The following ENTREP2 variants were observed in gnomAD, a reference collection of about 807,000 sequenced individuals.
ENTREP2 encodes the protein endosomal transmembrane epsin interactor 2, also known as protein ENTREP2.
At chr15:29,415,551 T>C in the ENTREP2 span, among the ~76,000 whole-genome samples, 1 of 152,106 alleles carries the variant, frequency 6.6e-6, no homozygotes, top group Admixed American at 6.5e-5. Context: ...TCATACTGAA[T>C]GGGCAAAAAC....
the ENTREP2 span, among the ~76,000 whole-genome samples, chr15:29,496,237 T>G: frequency 6.6e-6 from 1 of 151,986 alleles, no homozygotes; most frequent in Admixed American, 6.5e-5. Context: ...GAAACACAAC[T>G]GCTTTTTATA....
chr15:29,395,074 G>A, the ENTREP2 span, among the ~76,000 whole-genome samples: 94,542 of 143,864 alleles, frequency 0.66, 34,060 homozygotes, highest in Admixed American at 0.76. Flanking sequence ...ATTTTTAGTA[G>A]AGACGGGGTT....
the ENTREP2 span, among the ~76,000 whole-genome samples, chr15:29,616,077 C>G: frequency 6.6e-6 from 1 of 152,216 alleles, no homozygotes; most frequent in Non-Finnish European, 1.5e-5. Flanking sequence ...GAGGATCACA[C>G]ATATGTTGTT....
chr15:29,467,113 C>G, the ENTREP2 span, among the ~76,000 whole-genome samples: 1 of 151,962 alleles, frequency 6.6e-6, no homozygotes, highest in East Asian at 1.9e-4. Flanking sequence ...GCTGCAGCCC[C>G]CAAGTAAAAC....
chr15:29,257,179 T>C, the ENTREP2 span, among the ~76,000 whole-genome samples: 1 of 152,084 alleles, frequency 6.6e-6, no homozygotes, highest in African/African-American at 2.4e-5. Flanking sequence ...GTTCAAGCGA[T>C]TCTCCTGCCT....
chr15:29,371,385 C>CACACACACAT, the ENTREP2 span, among the ~76,000 whole-genome samples: 9 of 150,948 alleles, frequency 6.0e-5, no homozygotes, highest in Non-Finnish European at 1.2e-4. Context: ...CACACACACA[C>CACACACACAT]GAAACCAACT....
the ENTREP2 span, among the ~76,000 whole-genome samples, chr15:29,492,190 C>T: frequency 6.6e-6 from 1 of 152,106 alleles, no homozygotes; most frequent in Admixed American, 6.5e-5. Context: ...ACTTACTTCA[C>T]TTCTCAACCC....
the ENTREP2 span, among the ~76,000 whole-genome samples, chr15:29,407,954 A>G: frequency 1.3e-5 from 2 of 152,156 alleles, no homozygotes; most frequent in African/African-American, 4.8e-5. Flanking sequence ...TGCTGGGATT[A>G]CAGGCCTGAG....
At chr15:29,605,403 T>C in the ENTREP2 span, among the ~76,000 whole-genome samples, 14 of 152,332 alleles carry the variant, frequency 9.2e-5, 1 homozygote, top group South Asian at 1.5e-3. Context: ...ATACCTCCTC[T>C]ATGTGTAAAT....
At chr15:29,424,182 A>G in the ENTREP2 span, among the ~76,000 whole-genome samples, 1 of 152,190 alleles carries the variant, frequency 6.6e-6, no homozygotes, top group Admixed American at 6.5e-5. Context: ...CCAAAGAGTG[A>G]GCAACAGCAA....
At chr15:29,527,654 C>T in the ENTREP2 span, among the ~76,000 whole-genome samples, 1 of 152,134 alleles carries the variant, frequency 6.6e-6, no homozygotes, top group Non-Finnish European at 1.5e-5. Flanking sequence ...GCATCCACTG[C>T]AGACCCTGTA....
chr15:29,128,935 T>G, the ENTREP2 span: 6 of 1,046,646 alleles, frequency 5.7e-6, no homozygotes, highest in Non-Finnish European at 8.4e-6. Flanking sequence ...TCCAGTAGTG[T>G]AGGCGCTTAA....
At chr15:29,582,147 TG>T in the ENTREP2 span, among the ~76,000 whole-genome samples, 2 of 152,278 alleles carry the variant, frequency 1.3e-5, no homozygotes, top group South Asian at 4.1e-4. Context: ...TTCACCATCT[TG>T]GCCAGGCTGG....
the ENTREP2 span, among the ~76,000 whole-genome samples, chr15:29,256,199 G>A: frequency 5.3e-5 from 8 of 152,078 alleles, no homozygotes; most frequent in African/African-American, 1.9e-4. Flanking sequence ...GAGGTTGGGG[G>A]GAAGAGCTGA....
At chr15:29,249,092 T>C in the ENTREP2 span, among the ~76,000 whole-genome samples, 1 of 152,102 alleles carries the variant, frequency 6.6e-6, no homozygotes, top group East Asian at 1.9e-4. Context: ...GCGGATCACC[T>C]GAGGTCAGGA....
chr15:29,224,391 G>A, the ENTREP2 span, among the ~76,000 whole-genome samples: 4 of 152,298 alleles, frequency 2.6e-5, no homozygotes, highest in Admixed American at 1.3e-4. Context: ...GAAGGGAACT[G>A]CGCCGGGTTG....
the ENTREP2 span, among the ~76,000 whole-genome samples, chr15:29,408,140 G>A: frequency 6.6e-6 from 1 of 152,184 alleles, no homozygotes; most frequent in East Asian, 1.9e-4. Context: ...AATATGTGCT[G>A]ATCTCCATGG....
chr15:29,232,409 TA>T, the ENTREP2 span, among the ~76,000 whole-genome samples: 5 of 151,754 alleles, frequency 3.3e-5, no homozygotes, highest in African/African-American at 9.7e-5. Flanking sequence ...AGTGCTAATT[TA>T]AAAAAAAGTT....
chr15:29,245,535 A>G, the ENTREP2 span, among the ~76,000 whole-genome samples: 7 of 151,846 alleles, frequency 4.6e-5, no homozygotes, highest in African/African-American at 1.7e-4. Context: ...CAAAAGATGC[A>G]TAACAAACTA....
Sources: gnomAD v4.1 joint callset for allele counts (sites outside exome capture counted in the v4.1 genomes callset) on GRCh38, gnomAD v4.1.1 for gene constraint, MANE v1.5 for transcripts, NCBI Gene and HGNC (gene_info 2026-07-23, HGNC 2026-07-21) for gene names.